Variants in STXBP5 observed in about 807,000 individuals in gnomAD.
The protein encoded by STXBP5 is syntaxin-binding protein 5.
STXBP5 carries 50 observed loss-of-function variants against 152.4 expected under a neutral mutation model. That is an observed-to-expected ratio of 0.33 (90% CI 0.26 to 0.42). The LOEUF (loss-of-function observed/expected upper bound fraction) is 0.42, where lower values mean the gene tolerates loss of function less well. Among genes scored for constraint, STXBP5 ranks in the 10% least tolerant of loss-of-function variants. The pLI is 1.00. For synonymous variants in STXBP5, 492 were observed against 494.7 expected (o/e 0.99, Z 0.07); for missense variants, 1,167 against 1,388.6 (o/e 0.84, Z 2.54).
At chr6:147,305,621 G>A (rs1474718523) in intron 9 of STXBP5, among the ~76,000 whole-genome samples, 5 of 152,086 alleles carry the variant, frequency 3.3e-5, no homozygotes, top group African/African-American at 1.2e-4. Flanking sequence ...AGGAGAGTGT[G>A]AATTTCTATT....
intron 19 of STXBP5, among the ~76,000 whole-genome samples, chr6:147,337,214 C>CACACACACACACACACACAG (rs150169446): frequency 6.8e-6 from 1 of 147,270 alleles, no homozygotes; most frequent in South Asian, 2.1e-4. Context: ...CACACACACA[C>CACACACACACACACACACAG]AAGAAGTCAT....
chr6:147,259,806 G>T (rs6570792), intron 4 of STXBP5, among the ~76,000 whole-genome samples: 2,307 of 151,720 alleles, frequency 0.015, 66 homozygotes, highest in African/African-American at 0.054. Context: ...AAAAATAAGT[G>T]CTATGAAAAG....
intron 24 of STXBP5, 83 bp downstream of exon 24, chr6:147,363,787 T>G (rs912530698): frequency 1.2e-5 from 18 of 1,505,976 alleles, no homozygotes; most frequent in Non-Finnish European, 1.5e-5. Flanking sequence ...AAGAAATGCT[T>G]TTTGTGTGTG....
chr6:147,258,129 C>G (rs2115324887), intron 4 of STXBP5, among the ~76,000 whole-genome samples: 1 of 152,332 alleles, frequency 6.6e-6, no homozygotes, highest in Middle Eastern at 3.4e-3. Context: ...TGTGGCACAA[C>G]TGCTAATAAT....
At chr6:147,246,766 T>C (rs944525767) in intron 4 of STXBP5, among the ~76,000 whole-genome samples, 3 of 152,166 alleles carry the variant, frequency 2.0e-5, no homozygotes, top group African/African-American at 7.2e-5. Flanking sequence ...ATCAAGACTT[T>C]ATAACTTAAA....
At chr6:147,319,186 TG>T (rs1482560411) in intron 16 of STXBP5, among the ~76,000 whole-genome samples, 3 of 152,160 alleles carry the variant, frequency 2.0e-5, no homozygotes, top group Non-Finnish European at 4.4e-5. Flanking sequence ...ATGGGGGGGT[TG>T]TTTTTTAAAA....
At chr6:147,250,969 CAAAAAAAA>C (rs887963991) in intron 4 of STXBP5, among the ~76,000 whole-genome samples, 75 of 52,946 alleles carry the variant, frequency 1.4e-3, no homozygotes, top group African/African-American at 5.4e-3. Context: ...ACCTTGTCTC[CAAAAAAAA>C]AAAAAAAAAA....
chr6:147,340,293 T>G (rs560073316), intron 21 of STXBP5, among the ~76,000 whole-genome samples: 1 of 152,192 alleles, frequency 6.6e-6, no homozygotes, highest in Admixed American at 6.5e-5. Flanking sequence ...GTAACATCCA[T>G]GTTGTCTGTA....
At chr6:147,248,072 G>C (rs2115262033) in intron 4 of STXBP5, among the ~76,000 whole-genome samples, 1 of 152,216 alleles carries the variant, frequency 6.6e-6, no homozygotes, top group East Asian at 1.9e-4. Flanking sequence ...CTGAGGTCAG[G>C]AGTTCAAGAC....
chr6:147,368,647 G>C (rs1481023241), intron 25 of STXBP5, among the ~76,000 whole-genome samples: 2 of 152,048 alleles, frequency 1.3e-5, no homozygotes, highest in African/African-American at 4.8e-5. Flanking sequence ...GAAAAGAAAA[G>C]GAAAGCGGCT....
At chr6:147,265,945 TAGGG>T (rs1473701299) in intron 6 of STXBP5, among the ~76,000 whole-genome samples, 1 of 150,396 alleles carries the variant, frequency 6.6e-6, no homozygotes, top group East Asian at 1.9e-4. Context: ...TTGGAGCACA[TAGGG>T]AGGGTATTGA....
At chr6:147,302,972 G>T (rs900760889) in intron 9 of STXBP5, among the ~76,000 whole-genome samples, 7 of 152,074 alleles carry the variant, frequency 4.6e-5, no homozygotes, top group African/African-American at 1.7e-4. Context: ...CTTTTGTTGA[G>T]CTATTTCATT....
At position 147,260,708 on chromosome 6, in the gene STXBP5, A is replaced by C; in HGVS notation, c.525A>C (p.Thr175=). The change falls in exon 5 of 28, where the codon ACA becomes ACC. Residue 175 remains threonine (T), a synonymous_variant. Transcript: ENST00000321680. ...ATATTGTCAATGTGGAGTCCTTCAC[A>C]CTCTCAGGCTACGTCATTATGTGGA... ...NIHIVNVESF[T]LSGYVIMWNK... is the part of the protein sequence containing the mutation. 6.2e-7 allele frequency: 1 copy of C among 1,613,628 alleles called. No individual in the cohort carries two copies. The highest frequency in any genetic ancestry group is 8.5e-7 in the Non-Finnish European group (1 of 1,179,702).
chr6:147,299,288 C>T (rs1166719925), intron 9 of STXBP5, among the ~76,000 whole-genome samples: 1 of 151,520 alleles, frequency 6.6e-6, no homozygotes. Flanking sequence ...CACATACAGC[C>T]TACCAAGATT....
At chr6:147,373,363 C>CAAAA (rs11341887) in intron 25 of STXBP5, among the ~76,000 whole-genome samples, 3 of 67,700 alleles carry the variant, frequency 4.4e-5, no homozygotes, top group Admixed American at 2.0e-4. Flanking sequence ...GAGACTGTCT[C>CAAAA]AAAAAAAAAA....
rs1562274981 is a variant in STXBP5 at position 147,372,406 on chromosome 6, CCTTTTTTTTTTTTTTTTTTT to C, written c.3082-1324_3082-1305del. ...ATATAAATGTTACTACCGTCCTTTT[CCTTTTTTTTTTTTTTTTTTT>C]TTTTTTTTTTTTTTTTTTTTTTTTT... On this transcript the variant is annotated intron_variant, in intron 25 of 27. Coordinates refer to ENST00000321680, the MANE Select transcript of STXBP5 (RefSeq NM_001127715.4). Among the ~76,000 whole-genome samples, 366 of 39,088 alleles carry C rather than the reference CCTTTTTTTTTTTTTTTTTTT, an allele frequency of 9.4e-3. 51 individuals are homozygous for C. Among genetic ancestry groups the C allele is most frequent in the South Asian group, 0.022 (17 of 786 alleles). The allele number at this position is 39,088 out of a possible 152,430, so 25.6% of individuals were successfully genotyped here.
intron 4 of STXBP5, among the ~76,000 whole-genome samples, chr6:147,247,342 T>C (rs1268559839): frequency 6.6e-6 from 1 of 152,218 alleles, no homozygotes; most frequent in Non-Finnish European, 1.5e-5. Context: ...GACTAGAACA[T>C]AGGCATGAAA....
intron 16 of STXBP5, among the ~76,000 whole-genome samples, chr6:147,320,691 A>AT (rs947823782): frequency 6.6e-6 from 1 of 152,088 alleles, no homozygotes; most frequent in Non-Finnish European, 1.5e-5. Context: ...AATGTTATAT[A>AT]TTGTTACATC....
chr6:147,275,478 C>A (rs1780390731), intron 7 of STXBP5, among the ~76,000 whole-genome samples: 1 of 149,546 alleles, frequency 6.7e-6, no homozygotes, highest in Non-Finnish European at 1.5e-5. Flanking sequence ...GTCCTTTATT[C>A]CTCTTTCTAA....
Sources: allele counts gnomAD v4.1 joint callset (sites outside exome capture counted in the v4.1 genomes callset), GRCh38; gene constraint gnomAD v4.1.1; transcripts MANE v1.5; gene names NCBI Gene and HGNC (gene_info 2026-07-23, HGNC 2026-07-21).